DGKG: variants seen among roughly 807,000 people sequenced by gnomAD.
The protein encoded by DGKG is DAG kinase gamma.
Under a neutral mutation model 105.3 loss-of-function variants are expected in DGKG, and 78 were observed. The ratio of observed to expected loss-of-function variants is 0.74; its 90% CI spans 0.62 to 0.89. The LOEUF (loss-of-function observed/expected upper bound fraction) is 0.89, where lower values mean the gene tolerates loss of function less well. Among genes scored for constraint, DGKG ranks in the 40% least tolerant of loss-of-function variants. The pLI is 0.00. For synonymous variants in DGKG, 346 were observed against 367.1 expected (o/e 0.94, Z 0.66); for missense variants, 958 against 1,020.1 (o/e 0.94, Z 0.83).
rs1485013449 is a variant in DGKG at position 186,148,068 on chromosome 3, A to C, written c.*2022T>G. The C allele has an allele frequency of 1.0e-6, 1 of 985,344 alleles. No homozygotes were observed. Among genetic ancestry groups the C allele is most frequent in the African/African-American group, 1.7e-5 (1 of 57,236 alleles). The allele number at this position is 985,344 out of a possible 1,614,324, so 61.0% of individuals were successfully genotyped here. A position where few individuals can be genotyped will look rare whatever the true frequency, so the allele number is the denominator to read the frequency against. ...TTTGTCCAAAGCTCCTGTCCAATGC[A>C]AGATTAGAGGCAGCTCAGTGGAACG... is the stretch of plus-strand genomic sequence containing the variant. On this transcript the variant is annotated 3_prime_UTR_variant, in exon 25 of 25. Transcript: ENST00000265022.
At chr3:186,278,559 T>C (rs1253855482) in intron 9 of DGKG, among the ~76,000 whole-genome samples, 1 of 152,204 alleles carries the variant, frequency 6.6e-6, no homozygotes, top group Admixed American at 6.5e-5. Context: ...CAAAGATCTT[T>C]TCCAGCTTGA....
chr3:186,190,782 T>G (rs1375674908), intron 21 of DGKG, among the ~76,000 whole-genome samples: 1 of 152,246 alleles, frequency 6.6e-6, no homozygotes. Context: ...TTCTGTGACC[T>G]TTTGTCATCG....
chr3:186,296,417 G>T (rs1408515644), intron 5 of DGKG, among the ~76,000 whole-genome samples: 1 of 152,204 alleles, frequency 6.6e-6, no homozygotes, highest in Non-Finnish European at 1.5e-5. Flanking sequence ...ATAGTACTCA[G>T]GACATTTGTA....
intron 2 of DGKG, among the ~76,000 whole-genome samples, chr3:186,313,276 G>A (rs1724648165): frequency 1.3e-5 from 2 of 152,214 alleles, no homozygotes; most frequent in South Asian, 4.1e-4. Context: ...GAGGACCACT[G>A]ACATGTGGAA....
chr3:186,260,479 TG>T lies in DGKG; in HGVS notation c.1383del (p.Lys462AsnfsTer15). 1.9e-6 allele frequency: 3 copies of T among 1,613,572 alleles called. No homozygotes were observed. Among genetic ancestry groups the T allele is most frequent in the Non-Finnish European group, 2.5e-6 (3 of 1,179,632 alleles). ...ILRKFHYLLN[P>X]KQVFNLDNGG... ...CCATTGTCCAGGTTGAAAACTTGTT[TG>T]GGGTTGAGCAGATAGTGGAATTTCC... On this transcript the variant is annotated frameshift_variant, in exon 16 of 25. Transcript: ENST00000265022. LOFTEE classifies it high-confidence loss of function.
chr3:186,280,348 T>G (rs1215008887), intron 8 of DGKG, among the ~76,000 whole-genome samples: 1 of 152,236 alleles, frequency 6.6e-6, no homozygotes, highest in Admixed American at 6.5e-5. Context: ...ATCTGGTGAT[T>G]GAGGAAGATC....
At chr3:186,253,029 G>A (rs1169343293) in intron 18 of DGKG, 64 bp downstream of exon 18, 8 of 1,424,436 alleles carry the variant, frequency 5.6e-6, no homozygotes, top group Non-Finnish European at 7.9e-6. Context: ...GCCTAGCTCT[G>A]TAGAGCATCT....
At position 186,171,260 on chromosome 3, in the gene DGKG, G is replaced by A. The variant is rs563789891; in HGVS notation, c.2096-6242C>T. On this transcript the variant is annotated intron_variant, in intron 22 of 24. Coordinates refer to ENST00000265022, the MANE Select transcript of DGKG (RefSeq NM_001346.3). ...TAGACCAGCCTTTGGCATATAAAAG[G>A]TTCTTGATATATGTTTGTTGAATAA... Among the ~76,000 whole-genome samples, 5 of 152,232 alleles carry A rather than the reference G, an allele frequency of 3.3e-5. No individual in the cohort carries two copies. The South Asian group carries it at 6.2e-4, about 19-fold the overall frequency.
At chr3:186,177,477 T>G (rs1024799209) in intron 22 of DGKG, among the ~76,000 whole-genome samples, 4 of 152,216 alleles carry the variant, frequency 2.6e-5, no homozygotes, top group Non-Finnish European at 5.9e-5. Context: ...GGGGCACATG[T>G]GCTGAAGGGA....
intron 2 of DGKG, among the ~76,000 whole-genome samples, chr3:186,307,448 C>G (rs897359379): frequency 3.3e-5 from 5 of 152,230 alleles, no homozygotes; most frequent in African/African-American, 1.2e-4. Context: ...ACTCATTCTT[C>G]AAGATCCAGC....
At chr3:186,311,883 G>A (rs545751785) in intron 2 of DGKG, among the ~76,000 whole-genome samples, 29 of 129,334 alleles carry the variant, frequency 2.2e-4, no homozygotes, top group Non-Finnish European at 3.8e-4. Context: ...TTGGGAGGCC[G>A]AGGCGGGTGG....
At chr3:186,193,171 T>A (rs1157336840) in intron 21 of DGKG, among the ~76,000 whole-genome samples, 1 of 152,188 alleles carries the variant, frequency 6.6e-6, no homozygotes, top group African/African-American at 2.4e-5. Flanking sequence ...CCTCTTGGAA[T>A]GCACCTACTT....
intron 20 of DGKG, among the ~76,000 whole-genome samples, chr3:186,229,955 A>G (rs1720063708): frequency 6.6e-6 from 1 of 152,186 alleles, no homozygotes; most frequent in Non-Finnish European, 1.5e-5. Context: ...GTGGGACAGA[A>G]TGTGTCAAAA....
chr3:186,308,065 C>T (rs1724341541), intron 2 of DGKG, among the ~76,000 whole-genome samples: 1 of 152,038 alleles, frequency 6.6e-6, no homozygotes, highest in African/African-American at 2.4e-5. Context: ...TTGAGGCCTC[C>T]ACCCCCCGCC....
intron 14 of DGKG, chr3:186,262,045 G>A (rs763052781): frequency 1.1e-5 from 4 of 371,998 alleles, no homozygotes; most frequent in Non-Finnish European, 2.0e-5. Flanking sequence ...ATCATTCAAC[G>A]ATGACGTGGT....
chr3:186,326,584 T>A (rs1186061844), intron 1 of DGKG, among the ~76,000 whole-genome samples: 1 of 152,146 alleles, frequency 6.6e-6, no homozygotes, highest in Non-Finnish European at 1.5e-5. Flanking sequence ...TCTAACAAGC[T>A]TTGTTTCCAT....
At chr3:186,153,157 A>T (rs1305473030) in intron 24 of DGKG, among the ~76,000 whole-genome samples, 1 of 152,056 alleles carries the variant, frequency 6.6e-6, no homozygotes, top group Non-Finnish European at 1.5e-5. Flanking sequence ...CTCCTGGGTA[A>T]CATAATATTT....
chr3:186,204,586 T>C (rs2108513617), intron 21 of DGKG, among the ~76,000 whole-genome samples: 1 of 152,288 alleles, frequency 6.6e-6, no homozygotes, highest in Middle Eastern at 3.4e-3. Flanking sequence ...ACCAGCATAG[T>C]ACCCAGCACG....
Position 186,251,754 on chromosome 3 carries a change from C to A in DGKG, c.1761+5G>T. On this transcript the variant is annotated splice_donor_5th_base_variant and intron_variant, in intron 19 of 24. Transcript: ENST00000265022. ...ATACAGAAAGGTGATCTTTGACCAA[C>A]TCACCACACCAATGGAGAAATAGTT... 1 of 1,614,060 alleles carries A rather than the reference C, an allele frequency of 6.2e-7. No homozygotes were observed. Among genetic ancestry groups the A allele is most frequent in the Non-Finnish European group, 8.5e-7 (1 of 1,179,938 alleles).
Sources: gnomAD v4.1 joint callset for allele counts (sites outside exome capture counted in the v4.1 genomes callset) on GRCh38, gnomAD v4.1.1 for gene constraint, MANE v1.5 for transcripts, NCBI Gene and HGNC (gene_info 2026-07-23, HGNC 2026-07-21) for gene names.